The following ENTPD1 variants were observed in gnomAD, a reference collection of about 807,000 sequenced individuals.
The protein encoded by ENTPD1 is ectonucleoside triphosphate diphosphohydrolase 1.
Under a neutral mutation model 57.0 loss-of-function variants are expected in ENTPD1, and 33 were observed. The ratio of observed to expected loss-of-function variants is 0.58; its 90% confidence interval spans 0.44 to 0.77. The LOEUF (loss-of-function observed/expected upper bound fraction) is 0.77. Ranked by LOEUF, ENTPD1 falls within the 30% of genes least tolerant of loss-of-function variation. ENTPD1 has a pLI of 0.00. For missense variants in ENTPD1, 501 were observed against 603.4 expected, an observed-to-expected ratio of 0.83 and a Z score of 1.78; for synonymous variants, 202 against 218.8, an observed-to-expected ratio of 0.92 and a Z score of 0.68.
chr10:95,824,025 T>G (rs1282908250), intron 2 of ENTPD1, among the ~76,000 whole-genome samples: 2 of 152,256 alleles, frequency 1.3e-5, no homozygotes, highest in Non-Finnish European at 2.9e-5. Flanking sequence ...AATGTATTTA[T>G]GTTTTCTTTC....
At chr10:95,856,480 A>G (rs932894769) in intron 7 of ENTPD1, among the ~76,000 whole-genome samples, 3 of 152,164 alleles carry the variant, frequency 2.0e-5, no homozygotes, top group African/African-American at 4.8e-5. Flanking sequence ...TGATCCAGCA[A>G]TCCCACTACT....
intron 7 of ENTPD1, among the ~76,000 whole-genome samples, chr10:95,852,332 C>T (rs185661005): frequency 2.5e-4 from 38 of 152,080 alleles, no homozygotes; most frequent in African/African-American, 9.2e-4. Context: ...GGATATTAGC[C>T]CTTTGTCAGA....
intron 1 of ENTPD1, among the ~76,000 whole-genome samples, chr10:95,719,004 G>A (rs1286229857): frequency 6.6e-6 from 1 of 152,204 alleles, no homozygotes; most frequent in Non-Finnish European, 1.5e-5. Flanking sequence ...TAAGCAAATG[G>A]TTGCCTGACA....
rs1377082696 is a variant in ENTPD1 at position 95,867,989 on chromosome 10, G to A, written c.*1606G>A. Reference sequence around the variant, plus strand: ...GGAATCAAAATTCGAATTGGGACATGTTCAAATTCTTTCTTGTGGTAGTTG... The same window carrying A: ...GGAATCAAAATTCGAATTGGGACATATTCAAATTCTTTCTTGTGGTAGTTG... On this transcript the variant is annotated 3_prime_UTR_variant, in exon 10 of 10. Coordinates refer to ENST00000371205, the MANE Select transcript of ENTPD1 (RefSeq NM_001776.6). 1.0e-6 allele frequency: 1 copy of A among 985,368 alleles called. No homozygotes were observed. The highest frequency in any genetic ancestry group is 1.1e-4 in the East Asian group (1 of 8,834). 61.0% of individuals were successfully genotyped at this position (985,368 alleles called of 1,614,324 possible).
At chr10:95,740,070 A>G (rs1194582757) in intron 1 of ENTPD1, among the ~76,000 whole-genome samples, 4 of 152,214 alleles carry the variant, frequency 2.6e-5, no homozygotes, top group Non-Finnish European at 5.9e-5. Context: ...CTGTAAACAG[A>G]TTTACAGTCA....
intron 1 of ENTPD1, among the ~76,000 whole-genome samples, chr10:95,813,345 A>G (rs1180215564): frequency 2.0e-5 from 3 of 152,200 alleles, no homozygotes; most frequent in Admixed American, 6.5e-5. Flanking sequence ...CTGCTTCTCC[A>G]TGTTCAAAAA....
intron 1 of ENTPD1, among the ~76,000 whole-genome samples, chr10:95,715,998 G>A (rs761408593): frequency 7.2e-5 from 11 of 152,026 alleles, no homozygotes; most frequent in African/African-American, 1.9e-4. Flanking sequence ...CTGAGTAGCC[G>A]GGACTACAGA....
At chr10:95,821,454 C>T (rs1303278750) in intron 1 of ENTPD1, among the ~76,000 whole-genome samples, 3 of 152,148 alleles carry the variant, frequency 2.0e-5, no homozygotes, top group Non-Finnish European at 4.4e-5. Flanking sequence ...TAGACTTGCC[C>T]CAGAAGACTT....
intron 6 of ENTPD1, among the ~76,000 whole-genome samples, chr10:95,846,640 CCTT>C (rs1419055865): frequency 1.3e-5 from 2 of 152,250 alleles, no homozygotes; most frequent in South Asian, 2.1e-4. Context: ...GCTCCACTAA[CCTT>C]CTTATCCACA....
intron 1 of ENTPD1, among the ~76,000 whole-genome samples, chr10:95,750,575 C>CCT (rs59823796): frequency 0.54 from 81,866 of 151,860 alleles, 22,483 homozygotes; most frequent in Admixed American, 0.63. Flanking sequence ...GAGCCAATTA[C>CCT]CTCTTTATAA....
chr10:95,762,209 C>CAAAA (rs59588135), intron 1 of ENTPD1, among the ~76,000 whole-genome samples: 5 of 78,494 alleles, frequency 6.4e-5, no homozygotes, highest in Admixed American at 1.3e-4. Flanking sequence ...TAAAAAGAAG[C>CAAAA]AAAAAAAAAA....
intron 1 of ENTPD1, among the ~76,000 whole-genome samples, chr10:95,714,244 G>A (rs187590604): frequency 4.3e-4 from 65 of 152,254 alleles, no homozygotes; most frequent in African/African-American, 1.5e-3. Context: ...CTGGGAGGAC[G>A]AGGCTGCAGT....
rs886216187 is a variant in ENTPD1 at position 95,809,275 on chromosome 10, C to G, written c.17-13962C>G. ...CAGGGTGGCAGCCGGGCAGAGGCAC[C>G]CCCCACATCCCAGACAGGGTGGCCA... is the stretch of plus-strand genomic sequence containing the variant. On this transcript the variant is annotated intron_variant, in intron 1 of 9. Transcript: ENST00000371205. Among the ~76,000 whole-genome samples, 3 of 151,242 alleles carry G rather than the reference C, an allele frequency of 2.0e-5. 1 individual carries two copies. The highest frequency in any genetic ancestry group is 4.4e-5 in the Non-Finnish European group (3 of 67,728).
chr10:95,831,889 T>C (rs187720491), intron 2 of ENTPD1, among the ~76,000 whole-genome samples: 1 of 152,372 alleles, frequency 6.6e-6, no homozygotes, highest in East Asian at 1.9e-4. Flanking sequence ...TATTTATTCA[T>C]TGACTCCATT....
At chr10:95,703,928 T>C in the ENTPD1 span, among the ~76,000 whole-genome samples, 1 of 149,928 alleles carries the variant, frequency 6.7e-6, no homozygotes, top group Non-Finnish European at 1.5e-5. Flanking sequence ...CCATCTCTAC[T>C]AAAATACAAA....
At chr10:95,757,033 G>A (rs771067775) in intron 1 of ENTPD1, among the ~76,000 whole-genome samples, 36 of 152,174 alleles carry the variant, frequency 2.4e-4, no homozygotes, top group Admixed American at 5.9e-4. Flanking sequence ...GCTTGCCAGC[G>A]TGTGAGAGCC....
chr10:95,760,814 C>CTTTTTTTTTTTTTT lies in ENTPD1; in HGVS notation c.16+4579_16+4592dup, dbSNP rs71034350. 2.2e-3 allele frequency among the ~76,000 whole-genome samples: 136 copies of CTTTTTTTTTTTTTT among 62,968 alleles called. 23 individuals are homozygous for CTTTTTTTTTTTTTT. The highest frequency in any genetic ancestry group is 3.2e-3 in the African/African-American group (47 of 14,916). 41.3% of individuals were successfully genotyped at this position (62,968 alleles called of 152,430 possible). On this transcript the variant is annotated intron_variant, in intron 1 of 9. Transcript: ENST00000371205. ...TGGAGTAAATTACATAGAGTTTATT[C>CTTTTTTTTTTTTTT]TTTTTTTTTTTTTTTTTTTTTTTTT...
chr10:95,784,302 A>C (rs1305735588), intron 1 of ENTPD1, among the ~76,000 whole-genome samples: 1 of 152,002 alleles, frequency 6.6e-6, no homozygotes, highest in Non-Finnish European at 1.5e-5. Flanking sequence ...CACAAATACA[A>C]GTTCCTTAGA....
At position 95,845,488 on chromosome 10, in the gene ENTPD1, T is replaced by G; in HGVS notation, c.705T>G (p.Asn235Lys). Residue 235 changes from asparagine (N) to lysine (K), a missense_variant, in exon 6 of 10, where the codon AAT becomes AAG. Coordinates refer to ENST00000371205, the MANE Select transcript of ENTPD1 (RefSeq NM_001776.6). Reference protein sequence around the residue: ...PQNQTIESPDNALQFRLYGKD... With the variant: ...PQNQTIESPDKALQFRLYGKD... ...ACCAGACTATCGAGTCCCCAGATAA[T>G]GCTCTGCAATTTCGCCTCTATGGCA... 1 of 1,614,234 alleles carries G rather than the reference T, an allele frequency of 6.2e-7. No individual in the cohort carries two copies. The highest frequency in any genetic ancestry group is 8.5e-7 in the Non-Finnish European group (1 of 1,180,042).
Sources: allele counts gnomAD v4.1 joint callset (sites outside exome capture counted in the v4.1 genomes callset), GRCh38; gene constraint gnomAD v4.1.1; transcripts MANE v1.5; gene names NCBI Gene and HGNC (gene_info 2026-07-23, HGNC 2026-07-21).